The following GLIS3 variants were observed in gnomAD, a reference collection of about 807,000 sequenced individuals.
GLIS3 encodes GLIS family zinc finger 3, also known as zinc finger protein GLIS3.
In GLIS3, 53 loss-of-function variants were observed where a neutral mutation model predicts 78.6. That is an observed-to-expected ratio of 0.67 (90% CI 0.54 to 0.85). GLIS3 has a LOEUF of 0.85. GLIS3 is among the 40% of genes least tolerant of loss of function. The pLI is 0.00. For missense variants in GLIS3, 1,703 were observed against 1,231.1 expected (o/e 1.38, Z -5.74); for synonymous variants, 684 against 509.9 (o/e 1.34, Z -4.60).
chr9:3,885,658 C>T (rs1272146871), intron 7 of GLIS3, among the ~76,000 whole-genome samples: 1 of 152,120 alleles, frequency 6.6e-6, no homozygotes, highest in Non-Finnish European at 1.5e-5. Flanking sequence ...TTCACAGGGA[C>T]ACTGAAAAGA....
intron 2 of GLIS3, among the ~76,000 whole-genome samples, chr9:4,322,085 G>T (rs973352933): frequency 6.6e-6 from 1 of 152,014 alleles, no homozygotes; most frequent in African/African-American, 2.4e-5. Flanking sequence ...GTGTCCAAGT[G>T]TTCTCATTGT....
the GLIS3 span, among the ~76,000 whole-genome samples, chr9:4,397,305 G>T: frequency 6.6e-6 from 1 of 151,148 alleles, no homozygotes; most frequent in East Asian, 1.9e-4. Context: ...GATTACAGGC[G>T]TGAGCCACCA....
rs563804422 is a variant in GLIS3 at position 3,891,266 on chromosome 9, T to G, written c.2128+7425A>C. Among the ~76,000 whole-genome samples the G allele has an allele frequency of 2.0e-5, 3 of 152,304 alleles. No homozygotes were observed. The South Asian group carries it at 6.2e-4, about 32-fold the overall frequency. On this transcript the variant is annotated intron_variant, in intron 7 of 10. Transcript: ENST00000381971. Reference sequence around the variant, plus strand: ...ATGTTTAAAGAACTCTTTATGTCATTTAATCCAGCAGTTGATCGCACTAAG... The same window carrying G: ...ATGTTTAAAGAACTCTTTATGTCATGTAATCCAGCAGTTGATCGCACTAAG...
chr9:3,866,826 G>T (rs1276152692), intron 8 of GLIS3, among the ~76,000 whole-genome samples: 6 of 152,162 alleles, frequency 3.9e-5, no homozygotes, highest in African/African-American at 7.2e-5. Flanking sequence ...CATCTTAAAG[G>T]GTAGCTCTTG....
intron 1 of GLIS3, chr9:4,298,314 A>T (rs1816777725): frequency 2.2e-6 from 1 of 453,828 alleles, no homozygotes; most frequent in Non-Finnish European, 4.4e-6. Context: ...CCTCCCAAAC[A>T]CCTCCAGCAA....
chr9:3,870,456 A>C (rs545696528), intron 8 of GLIS3, among the ~76,000 whole-genome samples: 1 of 152,200 alleles, frequency 6.6e-6, no homozygotes, highest in Admixed American at 6.5e-5. Flanking sequence ...GCTGTTAAAG[A>C]CGTACCTGAG....
chr9:3,838,484 C>G (rs1292458474), intron 9 of GLIS3, among the ~76,000 whole-genome samples: 1 of 152,084 alleles, frequency 6.6e-6, no homozygotes, highest in Non-Finnish European at 1.5e-5. Context: ...TTGCTGAATC[C>G]AGGGATTCTG....
chr9:4,248,413 T>A (rs562376902), intron 2 of GLIS3, among the ~76,000 whole-genome samples: 4 of 152,212 alleles, frequency 2.6e-5, no homozygotes, highest in African/African-American at 7.2e-5. Context: ...GTAAAGGACA[T>A]GAACTCAATT....
chr9:4,361,049 G>A, the GLIS3 span, among the ~76,000 whole-genome samples: 1 of 152,188 alleles, frequency 6.6e-6, no homozygotes, highest in East Asian at 1.9e-4. Flanking sequence ...CATCAGTCAA[G>A]AGTACACATG....
intron 6 of GLIS3, among the ~76,000 whole-genome samples, chr9:3,907,615 CACACACACAG>C (rs202166421): frequency 0.038 from 3,146 of 82,292 alleles, 80 homozygotes; most frequent in Middle Eastern, 0.12. Flanking sequence ...AACACACACA[CACACACACAG>C]ACACACACAC....
intron 8 of GLIS3, among the ~76,000 whole-genome samples, chr9:3,863,295 A>G (rs1476045493): frequency 6.6e-6 from 1 of 152,192 alleles, no homozygotes; most frequent in Non-Finnish European, 1.5e-5. Context: ...TTCAATCCAG[A>G]TTTGTCCCCA....
intron 2 of GLIS3, among the ~76,000 whole-genome samples, chr9:4,197,129 G>C (rs1198980700): frequency 6.6e-6 from 1 of 152,170 alleles, no homozygotes; most frequent in African/African-American, 2.4e-5. Flanking sequence ...CCTGTGCATA[G>C]ATTGTGGTGC....
the GLIS3 span, among the ~76,000 whole-genome samples, chr9:4,431,844 G>GAAA: frequency 3.7e-4 from 27 of 73,070 alleles, no homozygotes; most frequent in Middle Eastern, 0.04. Flanking sequence ...AACTCCATCT[G>GAAA]AAAAAAAAAA....
upstream of GLIS3, among the ~76,000 whole-genome samples, chr9:4,350,523 T>G (rs558333577): frequency 6.6e-6 from 1 of 152,326 alleles, no homozygotes; most frequent in African/African-American, 2.4e-5. Context: ...GTACTATATC[T>G]CTCTGAAATT....
At chr9:4,285,990 G>GA (rs760963734) in intron 2 of GLIS3, 48 bp downstream of exon 2, 33 of 1,609,690 alleles carry the variant, frequency 2.1e-5, no homozygotes, top group Admixed American at 6.7e-5. Context: ...GGATGGGGGA[G>GA]AAAAAAATCG....
Position 4,286,238 on chromosome 9 carries a change from G to T in GLIS3, c.188C>A (p.Pro63His). Residue 63 changes from proline (P) to histidine (H), a missense_variant, in exon 2 of 11, where the codon CCC (proline) becomes CAC (histidine). By Grantham distance (77) the Pro-to-His change is moderately conservative (BLOSUM62 -2). Transcript: ENST00000381971. Reference protein sequence around the residue: ...SLANNLHLKMPSGGGMAPQNN... With the variant: ...SLANNLHLKMHSGGGMAPQNN... The stretch of plus-strand genomic sequence containing the variant: ...CTGAGGAGCCATCCCTCCTCCTGAG[G>T]GCATCTTGAGATGGAGGTTGTTAGC... The T allele has an allele frequency of 6.2e-7, 1 of 1,614,232 alleles. No homozygotes were observed. Among genetic ancestry groups the T allele is most frequent in the Non-Finnish European group, 8.5e-7 (1 of 1,180,046 alleles).
chr9:3,970,506 C>T (rs1347027191), intron 4 of GLIS3, among the ~76,000 whole-genome samples: 1 of 152,190 alleles, frequency 6.6e-6, no homozygotes, highest in Non-Finnish European at 1.5e-5. Context: ...CCATAGACAT[C>T]TTCTTTAAAA....
chr9:3,902,276 G>A (rs1360027321), intron 6 of GLIS3, among the ~76,000 whole-genome samples: 4 of 152,134 alleles, frequency 2.6e-5, no homozygotes, highest in Non-Finnish European at 4.4e-5. Flanking sequence ...GCATAGAAAC[G>A]CAGTCATGAT....
chr9:4,125,885 G>C lies in GLIS3; in HGVS notation c.445C>G (p.Leu149Val). 6.2e-7 allele frequency: 1 copy of C among 1,614,052 alleles called. No homozygotes were observed. The highest frequency in any genetic ancestry group is 1.3e-5 in the African/African-American group (1 of 75,012). The change falls in exon 3 of 11, where the codon CTA becomes GTA. Residue 149 changes from leucine to valine, a missense_variant. By Grantham distance (32) the Leu-to-Val change is conservative (BLOSUM62 1). Coordinates refer to ENST00000381971, the MANE Select transcript of GLIS3 (RefSeq NM_001042413.2). ...ATCATGGGACTGCTGGTGACCACTAGATTGTTGCAGCTGCCTTTTCCAATG... is the reference window on the plus strand; with the variant it reads ...ATCATGGGACTGCTGGTGACCACTACATTGTTGCAGCTGCCTTTTCCAATG... ...KSIGKGSCNNLVVTSSPMMVQ... is the reference protein window; with the variant it reads ...KSIGKGSCNNVVVTSSPMMVQ...
Sources: allele counts gnomAD v4.1 joint callset (sites outside exome capture counted in the v4.1 genomes callset), GRCh38; gene constraint gnomAD v4.1.1; transcripts MANE v1.5; gene names NCBI Gene and HGNC (gene_info 2026-07-23, HGNC 2026-07-21).